Variants in PLCB1 observed in about 807,000 individuals in gnomAD.
PLCB1 encodes the protein phospholipase C beta 1, also known as 1-phosphatidylinositol 4,5-bisphosphate phosphodiesterase beta-1.
A neutral mutation model predicts 161.8 loss-of-function variants in PLCB1; 46 were observed. The ratio of observed to expected loss-of-function variants is 0.28; its 90% CI spans 0.22 to 0.36. PLCB1 has a LOEUF of 0.36. Among genes scored for constraint, PLCB1 ranks in the 10% least tolerant of loss-of-function variants. The probability of loss-of-function intolerance (pLI) is 1.00; values close to 1 mark genes in which losing one functional copy is unlikely to be tolerated. For synonymous variants in PLCB1, 517 were observed against 503.7 expected (o/e 1.03, Z -0.35); for missense variants, 1,016 against 1,472.5 (o/e 0.69, Z 5.07).
intron 3 of PLCB1, among the ~76,000 whole-genome samples, chr20:8,421,090 A>G (rs910595971): frequency 8.5e-5 from 13 of 152,234 alleles, no homozygotes; most frequent in Admixed American, 6.5e-4. Context: ...TAGTTGGGCC[A>G]ATGAGAAGAG....
At chr20:8,484,505 C>G (rs998437203) in intron 3 of PLCB1, among the ~76,000 whole-genome samples, 2 of 151,550 alleles carry the variant, frequency 1.3e-5, no homozygotes, top group Non-Finnish European at 2.9e-5. Flanking sequence ...GGACTACAGG[C>G]GCCCCCTCAC....
chr20:8,267,642 G>GT (rs765610195), intron 2 of PLCB1, among the ~76,000 whole-genome samples: 32 of 152,020 alleles, frequency 2.1e-4, no homozygotes, highest in African/African-American at 4.1e-4. Flanking sequence ...ATTTTCTTTT[G>GT]TTTTTTTAAA....
chr20:8,847,332 CTGTATATAGAAT>C (rs1478759893), intron 31 of PLCB1, among the ~76,000 whole-genome samples: 2 of 152,150 alleles, frequency 1.3e-5, no homozygotes, highest in Non-Finnish European at 2.9e-5. Flanking sequence ...GAAGAATCTT[CTGTATATAGAAT>C]TAGACACACA....
chr20:8,684,164 G>A (rs372406152), intron 9 of PLCB1, among the ~76,000 whole-genome samples: 27 of 151,478 alleles, frequency 1.8e-4, no homozygotes, highest in South Asian at 1.0e-3. Flanking sequence ...GATTACAGGC[G>A]TGAGCCACCG....
chr20:8,691,008 G>T (rs931422713), intron 10 of PLCB1, among the ~76,000 whole-genome samples: 3 of 152,160 alleles, frequency 2.0e-5, no homozygotes, highest in African/African-American at 7.2e-5. Flanking sequence ...AAATTAAGGA[G>T]AATTCCATAT....
chr20:8,298,070 G>A (rs1428048267), intron 2 of PLCB1, among the ~76,000 whole-genome samples: 2 of 151,492 alleles, frequency 1.3e-5, no homozygotes, highest in East Asian at 3.9e-4. Context: ...CCTAGCAGGA[G>A]GATTGCTTGA....
intron 2 of PLCB1, among the ~76,000 whole-genome samples, chr20:8,259,563 C>G (rs551627138): frequency 5.3e-5 from 8 of 152,074 alleles, no homozygotes; most frequent in African/African-American, 1.9e-4. Context: ...ATGGTGTGAT[C>G]CAAGATCACA....
chr20:8,387,973 T>G, intron 3 of PLCB1, among the ~76,000 whole-genome samples: 2 of 139,786 alleles, frequency 1.4e-5, no homozygotes, highest in South Asian at 4.3e-4. Context: ...TTTACCACTT[T>G]TTTTAAAAAA....
intron 3 of PLCB1, among the ~76,000 whole-genome samples, chr20:8,496,908 T>A (rs1477537638): frequency 6.6e-6 from 1 of 152,162 alleles, no homozygotes; most frequent in African/African-American, 2.4e-5. Context: ...AGAGATAATA[T>A]CCTCACTTTA....
intron 2 of PLCB1, among the ~76,000 whole-genome samples, chr20:8,334,400 A>G (rs1271975836): frequency 3.9e-5 from 6 of 152,234 alleles, no homozygotes; most frequent in East Asian, 1.9e-4. Flanking sequence ...AACATTTACT[A>G]TAATCACTAG....
At position 8,528,833 on chromosome 20, in the gene PLCB1, G is replaced by A. The variant is rs1021228377; in HGVS notation, c.247-99461G>A. 5.3e-5 allele frequency among the ~76,000 whole-genome samples: 8 copies of A among 151,882 alleles called. No individual in the cohort carries two copies. The East Asian group carries it at 5.8e-4, about 11-fold the overall frequency. ...AGACCCTTTTATGAAAACAAGGGGC[G>A]AAAAGTGCTGCGACAATTCCCAGAG... On this transcript the variant is annotated intron_variant, in intron 3 of 31. Transcript: ENST00000338037.
intron 9 of PLCB1, among the ~76,000 whole-genome samples, chr20:8,661,922 T>C (rs1989634768): frequency 7.9e-6 from 1 of 126,874 alleles, no homozygotes; most frequent in African/African-American, 3.2e-5. Flanking sequence ...CCCTAGAGAT[T>C]TGCACTCCTC....
At chr20:8,279,864 G>T (rs1349290976) in intron 2 of PLCB1, among the ~76,000 whole-genome samples, 1 of 152,140 alleles carries the variant, frequency 6.6e-6, no homozygotes, top group Non-Finnish European at 1.5e-5. Flanking sequence ...AAAAAGAAAA[G>T]TAAGAAAGGA....
At chr20:8,327,907 TAC>T (rs57589121) in intron 2 of PLCB1, among the ~76,000 whole-genome samples, 21 of 151,540 alleles carry the variant, frequency 1.4e-4, no homozygotes, top group African/African-American at 4.4e-4. Flanking sequence ...TATATATATA[TAC>T]ACACACACAA....
intron 20 of PLCB1, among the ~76,000 whole-genome samples, chr20:8,738,517 G>A (rs549289448): frequency 1.1e-4 from 17 of 151,930 alleles, no homozygotes; most frequent in African/African-American, 3.6e-4. Flanking sequence ...TGCACATTGT[G>A]CACATGTACC....
At chr20:8,684,097 G>A (rs1054053335) in intron 9 of PLCB1, among the ~76,000 whole-genome samples, 3 of 152,018 alleles carry the variant, frequency 2.0e-5, no homozygotes, top group South Asian at 2.1e-4. Flanking sequence ...TGTTAGCCAG[G>A]ATGGTCTCGA....
chr20:8,195,523 C>G (rs2052012861), intron 2 of PLCB1, among the ~76,000 whole-genome samples: 1 of 152,064 alleles, frequency 6.6e-6, no homozygotes, highest in African/African-American at 2.4e-5. Flanking sequence ...CCAACTTCCC[C>G]TAACATCTTA....
intron 14 of PLCB1, among the ~76,000 whole-genome samples, chr20:8,721,940 AG>A (rs1979656210): frequency 4.6e-5 from 1 of 21,856 alleles, no homozygotes; most frequent in East Asian, 0.071. Flanking sequence ...AAGATGAAGG[AG>A]GGATAGATAG....
At chr20:8,768,219 A>AT (rs1235025715) in intron 26 of PLCB1, among the ~76,000 whole-genome samples, 1 of 152,096 alleles carries the variant, frequency 6.6e-6, no homozygotes, top group Non-Finnish European at 1.5e-5. Flanking sequence ...TTAGTGGACT[A>AT]TGCGCTCTCT....
Sources: gnomAD v4.1 joint callset for allele counts (sites outside exome capture counted in the v4.1 genomes callset) on GRCh38, gnomAD v4.1.1 for gene constraint, MANE v1.5 for transcripts, NCBI Gene and HGNC (gene_info 2026-07-23, HGNC 2026-07-21) for gene names.